Variants in NBAS observed in about 807,000 individuals in gnomAD.
NBAS encodes the protein NAG/BC035112 fusion.
In NBAS, 219 loss-of-function variants were observed where a neutral mutation model predicts 302.5. That is an observed-to-expected ratio of 0.72 (90% CI 0.65 to 0.81). The LOEUF (loss-of-function observed/expected upper bound fraction) is 0.81. Ranked by LOEUF, NBAS falls within the 30% of genes least tolerant of loss-of-function variation. The pLI is 0.00. For synonymous variants in NBAS, 1,118 were observed against 1,021.6 expected (o/e 1.09, Z -1.80); for missense variants, 2,932 against 2,841.6 (o/e 1.03, Z -0.72).
intron 44 of NBAS, among the ~76,000 whole-genome samples, chr2:15,267,182 T>C (rs1996514): frequency 0.21 from 32,195 of 152,240 alleles, 4,295 homozygotes; most frequent in East Asian, 0.61. Flanking sequence ...TCATTCAATA[T>C]GCATGCATGC....
the NBAS span, among the ~76,000 whole-genome samples, chr2:15,085,786 C>T: frequency 2.0e-5 from 3 of 152,194 alleles, no homozygotes; most frequent in Non-Finnish European, 2.9e-5. Flanking sequence ...CTCAGAGAAA[C>T]GTGGAGCAGG....
At chr2:15,439,888 G>C (rs145606097) in intron 21 of NBAS, among the ~76,000 whole-genome samples, 3 of 152,352 alleles carry the variant, frequency 2.0e-5, no homozygotes, top group Admixed American at 6.5e-5. Flanking sequence ...CTACGTCCAC[G>C]GAGTCTCCCT....
intron 34 of NBAS, 44 bp downstream of exon 34, chr2:15,353,509 A>G (rs750052102): frequency 2.5e-6 from 4 of 1,610,418 alleles, no homozygotes; most frequent in Non-Finnish European, 3.4e-6. Flanking sequence ...ACCCAACAAC[A>G]TGGACGTCAT....
chr2:15,257,549 C>T (rs1420221400), intron 44 of NBAS, among the ~76,000 whole-genome samples: 1 of 152,030 alleles, frequency 6.6e-6, no homozygotes, highest in Admixed American at 6.6e-5. Flanking sequence ...CCTGCCACCA[C>T]ACCCAGCTAA....
intron 21 of NBAS, among the ~76,000 whole-genome samples, chr2:15,449,106 TAG>T (rs1678887048): frequency 6.6e-6 from 1 of 152,036 alleles, no homozygotes; most frequent in Admixed American, 6.6e-5. Context: ...GAGAACACAT[TAG>T]TTTAAAAAAA....
chr2:15,554,248 A>G, intron 3 of NBAS, 110 bp from the exon 4 acceptor site: 2 of 958,248 alleles, frequency 2.1e-6, no homozygotes, highest in South Asian at 1.4e-5. Context: ...TTTCCATTAG[A>G]ATATAAAATT....
chr2:15,296,544 CA>C (rs34796342), intron 40 of NBAS, among the ~76,000 whole-genome samples: 88,405 of 148,664 alleles, frequency 0.59, 28,762 homozygotes, highest in African/African-American at 0.87. Flanking sequence ...CAAAACAAAA[CA>C]AAAAAAAAAA....
At chr2:15,521,131 C>A (rs1245299738) in intron 9 of NBAS, among the ~76,000 whole-genome samples, 1 of 152,144 alleles carries the variant, frequency 6.6e-6, no homozygotes, top group African/African-American at 2.4e-5. Context: ...GTAATGAAAT[C>A]AAGTATTCCC....
chr2:14,979,598 T>C, the NBAS span, among the ~76,000 whole-genome samples: 8 of 152,196 alleles, frequency 5.3e-5, no homozygotes, highest in Non-Finnish European at 1.2e-4. Flanking sequence ...CAGATATTTA[T>C]GACTCCAGAG....
chr2:15,100,872 T>C, the NBAS span, among the ~76,000 whole-genome samples: 3 of 152,214 alleles, frequency 2.0e-5, no homozygotes, highest in African/African-American at 7.2e-5. Flanking sequence ...TAAACGGAAT[T>C]CACTAGCAAG....
the NBAS span, among the ~76,000 whole-genome samples, chr2:15,064,302 CAAAAA>C: frequency 8.3e-4 from 109 of 131,370 alleles, no homozygotes; most frequent in East Asian, 8.9e-3. Context: ...AGAAAAGACT[CAAAAA>C]AAAAAAAAAA....
chr2:14,785,116 T>A, the NBAS span, among the ~76,000 whole-genome samples: 1 of 152,178 alleles, frequency 6.6e-6, no homozygotes, highest in South Asian at 2.1e-4. Context: ...TTTGGCTCTC[T>A]GTTTGTCTGT....
Position 15,234,695 on chromosome 2 carries a change from T to C in NBAS, c.5996A>G (p.Glu1999Gly), listed in dbSNP as rs146769874. The change falls in exon 46 of 52, where the codon GAG (glutamate) becomes GGG (glycine). Residue 1999 changes from glutamate (E) to glycine (G), a missense_variant. Transcript: ENST00000281513. ...HLYDLSRSEK[E>G]KLHDEAVAIC... is the part of the protein sequence containing the mutation. ...AGCCACAGCTTCATCATGAAGTTTC[T>C]CTTTTTCTGATCGGGACAGATCATA... is the stretch of plus-strand genomic sequence containing the variant. 3.0e-5 allele frequency: 49 copies of C among 1,614,086 alleles called. No homozygotes were observed. The highest frequency in any genetic ancestry group is 4.2e-5 in the Non-Finnish European group (49 of 1,180,020).
At chr2:15,063,006 G>T in the NBAS span, among the ~76,000 whole-genome samples, 2 of 152,102 alleles carry the variant, frequency 1.3e-5, no homozygotes, top group Admixed American at 1.3e-4. Flanking sequence ...ATGGCTTGTT[G>T]GGGATTCAGC....
chr2:14,812,887 G>A, the NBAS span, among the ~76,000 whole-genome samples: 1 of 152,118 alleles, frequency 6.6e-6, no homozygotes, highest in Non-Finnish European at 1.5e-5. Context: ...GGATCATGGG[G>A]GTGGTTTCCT....
At chr2:15,325,887 T>C (rs1275360729) in intron 38 of NBAS, among the ~76,000 whole-genome samples, 4 of 152,208 alleles carry the variant, frequency 2.6e-5, no homozygotes, top group Non-Finnish European at 5.9e-5. Flanking sequence ...CCTTTAGAGA[T>C]ATGCAACTCT....
intron 33 of NBAS, 52 bp downstream of exon 33, chr2:15,356,251 T>C: frequency 3.5e-6 from 5 of 1,413,174 alleles, no homozygotes; most frequent in African/African-American, 2.8e-5. Context: ...TTTTCCATTA[T>C]CCATCACATA....
At chr2:15,027,026 C>A in the NBAS span, among the ~76,000 whole-genome samples, 2 of 152,024 alleles carry the variant, frequency 1.3e-5, no homozygotes, top group South Asian at 4.1e-4. Flanking sequence ...ATAATAATAC[C>A]TGGTCTCTAC....
At chr2:14,812,831 A>T in the NBAS span, among the ~76,000 whole-genome samples, 5,127 of 152,136 alleles carry the variant, frequency 0.034, 266 homozygotes, top group African/African-American at 0.12. Flanking sequence ...TCGCGTGTTG[A>T]TTTGTGATTC....
Sources: gnomAD v4.1 joint callset for allele counts (sites outside exome capture counted in the v4.1 genomes callset) on GRCh38, gnomAD v4.1.1 for gene constraint, MANE v1.5 for transcripts, NCBI Gene and HGNC (gene_info 2026-07-23, HGNC 2026-07-21) for gene names.